The following PPM1L variants were observed in gnomAD, a reference collection of about 807,000 sequenced individuals.
PPM1L encodes protein phosphatase, Mg2+/Mn2+ dependent 1L.
PPM1L carries 13 observed loss-of-function variants against 31.4 expected under a neutral mutation model. The observed-to-expected ratio is 0.41, with a 90% CI of 0.27 to 0.66. The LOEUF is 0.66. Among genes scored for constraint, PPM1L ranks in the 30% least tolerant of loss-of-function variants. PPM1L has a pLI of 0.29. For missense variants in PPM1L, 326 were observed against 453.7 expected (o/e 0.72, Z 2.56); for synonymous variants, 184 against 175.4 (o/e 1.05, Z -0.39).
chr3:160,852,119 G>T (rs997390896), intron 1 of PPM1L, among the ~76,000 whole-genome samples: 3 of 152,170 alleles, frequency 2.0e-5, no homozygotes, highest in Non-Finnish European at 4.4e-5. Flanking sequence ...CATGACAAGT[G>T]TTTCATAAAG....
rs117555362 is a variant in PPM1L at position 160,808,712 on chromosome 3, C to T, written c.399+52005C>T. Reference sequence around the variant, plus strand: ...GTAATTATGTGCCTCGAGACAGTGGCTTCCCTCACAGAGCAGAGAAGGGAA... The same window carrying T: ...GTAATTATGTGCCTCGAGACAGTGGTTTCCCTCACAGAGCAGAGAAGGGAA... On this transcript the variant is annotated intron_variant, in intron 1 of 3. Transcript: ENST00000498165. Among the ~76,000 whole-genome samples the T allele has an allele frequency of 5.8e-4, 89 of 152,288 alleles. No homozygotes were observed. In the East Asian group the frequency reaches 0.013, roughly 22 times the overall value.
chr3:160,929,827 G>A (rs1714725314), intron 1 of PPM1L, among the ~76,000 whole-genome samples: 1 of 152,302 alleles, frequency 6.6e-6, no homozygotes, highest in East Asian at 1.9e-4. Flanking sequence ...GGACAGACAA[G>A]CACTGGGAGT....
chr3:160,863,940 A>G (rs115884715), intron 1 of PPM1L, among the ~76,000 whole-genome samples: 1,777 of 152,246 alleles, frequency 0.012, 30 homozygotes, highest in African/African-American at 0.041. Context: ...ATGGAAAAAA[A>G]CATCTAGATG....
intron 1 of PPM1L, among the ~76,000 whole-genome samples, chr3:160,915,020 T>A (rs1714117104): frequency 6.6e-6 from 1 of 152,140 alleles, no homozygotes; most frequent in Non-Finnish European, 1.5e-5. Context: ...TGGTTTTGAT[T>A]TGCATTTATC....
At position 161,077,251 on chromosome 3, in the gene PPM1L, A is replaced by T. The variant is rs1158635062; in HGVS notation, c.*8094A>T. ...ATGAGATTGGGAATTTCTTGCCAAC[A>T]CTCAAGCAAACTGCAGAAGATAATT... is the stretch of plus-strand genomic sequence containing the variant. On this transcript the variant is annotated 3_prime_UTR_variant, in exon 4 of 4. Coordinates refer to ENST00000498165, the MANE Select transcript of PPM1L (RefSeq NM_139245.4). 2 of 152,170 alleles carry T rather than the reference A, an allele frequency of 1.3e-5. No homozygotes were observed. The highest frequency in any genetic ancestry group is 4.8e-5 in the African/African-American group (2 of 41,426). 9.4% of individuals were successfully genotyped at this position (152,170 alleles called of 1,614,324 possible).
rs537703156 is a variant in PPM1L, at chr3:160,766,714, A to G, written c.399+10007A>G. Reference sequence around the variant, plus strand: ...GTACTTCTGAAAAAAAAAAGAAGCTACAAGTCTTGATCACTTGATCTCTCT... The same window carrying G: ...GTACTTCTGAAAAAAAAAAGAAGCTGCAAGTCTTGATCACTTGATCTCTCT... On this transcript the variant is annotated intron_variant, in intron 1 of 3. Transcript: ENST00000498165. 1.1e-4 allele frequency among the ~76,000 whole-genome samples: 16 copies of G among 150,822 alleles called. No individual in the cohort carries two copies. In the East Asian group the frequency reaches 1.2e-3, roughly 11 times the overall value.
chr3:160,807,202 T>C (rs369957143), intron 1 of PPM1L, among the ~76,000 whole-genome samples: 2 of 152,324 alleles, frequency 1.3e-5, no homozygotes, highest in East Asian at 3.9e-4. Flanking sequence ...AAAATCACTC[T>C]GGATGAACAT....
intron 2 of PPM1L, among the ~76,000 whole-genome samples, chr3:160,970,740 G>A (rs1716302648): frequency 6.7e-6 from 1 of 148,492 alleles, no homozygotes; most frequent in Non-Finnish European, 1.5e-5. Flanking sequence ...TTACAGGTGT[G>A]TGCTATTGCA....
rs34686234 is a variant in PPM1L, at chr3:160,955,654, C to CTT, written c.400-6067_400-6066dup. Among the ~76,000 whole-genome samples, 235 of 134,520 alleles carry CTT rather than the reference C, an allele frequency of 1.7e-3. 1 individual carries two copies. Among genetic ancestry groups the CTT allele is most frequent in the Middle Eastern group, 0.012 (3 of 256 alleles). The allele number at this position is 134,520 out of a possible 152,430, so 88.3% of individuals were successfully genotyped here. ...TAGAATTGGCTGGCTAACAAGTTTT[C>CTT]TTTTTTTTTTTTTTTTGAGACAGTC... On this transcript the variant is annotated intron_variant, in intron 1 of 3. Coordinates refer to ENST00000498165, the MANE Select transcript of PPM1L (RefSeq NM_139245.4).
Position 161,068,810 on chromosome 3 carries a change from G to C in PPM1L, c.737-1G>C. The C allele has an allele frequency of 6.2e-7, 1 of 1,605,800 alleles. No homozygotes were observed. The highest frequency in any genetic ancestry group is 8.5e-7 in the Non-Finnish European group (1 of 1,176,016). On this transcript the variant is annotated splice_acceptor_variant, in intron 3 of 3. Coordinates refer to ENST00000498165, the MANE Select transcript of PPM1L (RefSeq NM_139245.4). LOFTEE classifies it high-confidence loss of function. ...CTAATGGGCTCATCCTGTCTTTCTAGGTGGTTTCATCAGTTTCAATGGCTC... is the reference window on the plus strand; with the variant it reads ...CTAATGGGCTCATCCTGTCTTTCTACGTGGTTTCATCAGTTTCAATGGCTC...
intron 1 of PPM1L, among the ~76,000 whole-genome samples, chr3:160,785,832 G>GTTT (rs75150439): frequency 1.7e-5 from 2 of 120,150 alleles, no homozygotes; most frequent in African/African-American, 3.1e-5. Context: ...GCGGTGCACT[G>GTTT]TTTTTTTTTT....
intron 1 of PPM1L, among the ~76,000 whole-genome samples, chr3:160,786,187 GTATATATA>G (rs1190262298): frequency 5.1e-5 from 2 of 39,450 alleles, no homozygotes; most frequent in Non-Finnish European, 7.3e-5. Flanking sequence ...GTGTGTGTGT[GTATATATA>G]TATATATATA....
intron 1 of PPM1L, among the ~76,000 whole-genome samples, chr3:160,815,279 A>G (rs1041856125): frequency 3.9e-5 from 6 of 152,172 alleles, no homozygotes; most frequent in African/African-American, 1.4e-4. Flanking sequence ...CCTGGCTCAA[A>G]TACTCTTTTA....
intron 2 of PPM1L, among the ~76,000 whole-genome samples, chr3:161,038,608 A>G (rs1159949745): frequency 2.1e-5 from 3 of 142,760 alleles, no homozygotes; most frequent in South Asian, 2.4e-4. Flanking sequence ...AAAAAAAAAA[A>G]AAAAGCAAAA....
intron 2 of PPM1L, among the ~76,000 whole-genome samples, chr3:161,036,877 C>A (rs1321052229): frequency 6.6e-6 from 1 of 152,150 alleles, no homozygotes; most frequent in Non-Finnish European, 1.5e-5. Context: ...AAAGACATGG[C>A]TTCCATGAAA....
In PPM1L at chr3:161,069,176, C is replaced by A; in HGVS notation, c.*19C>A. On this transcript the variant is annotated 3_prime_UTR_variant, in exon 4 of 4. Coordinates refer to ENST00000498165, the MANE Select transcript of PPM1L (RefSeq NM_139245.4). ...GCAGTGAACCCTTCAGGGGTCTCAG[C>A]TGCCTTAGACTAAAGGACTTTCAAC... The A allele has an allele frequency of 1.3e-6, 2 of 1,559,594 alleles. No homozygotes were observed. The highest frequency in any genetic ancestry group is 1.7e-6 in the Non-Finnish European group (2 of 1,144,390).
At chr3:160,922,025 T>C (rs1348385611) in intron 1 of PPM1L, among the ~76,000 whole-genome samples, 1 of 152,174 alleles carries the variant, frequency 6.6e-6, no homozygotes, top group Non-Finnish European at 1.5e-5. Context: ...AGATTCCTGC[T>C]GACGGCTGGG....
chr3:160,837,703 C>T (rs187715102), intron 1 of PPM1L, among the ~76,000 whole-genome samples: 142 of 152,254 alleles, frequency 9.3e-4, no homozygotes, highest in Non-Finnish European at 5.4e-4. Context: ...GATTGCCAAG[C>T]CTCGGGTGGG....
chr3:160,933,435 C>T (rs1714851800), intron 1 of PPM1L, among the ~76,000 whole-genome samples: 1 of 152,046 alleles, frequency 6.6e-6, no homozygotes, highest in African/African-American at 2.4e-5. Context: ...CTTCAGACAC[C>T]TGATGATAAG....
Sources: allele counts gnomAD v4.1 joint callset (sites outside exome capture counted in the v4.1 genomes callset), GRCh38; gene constraint gnomAD v4.1.1; transcripts MANE v1.5; gene names NCBI Gene and HGNC (gene_info 2026-07-23, HGNC 2026-07-21).